SAMD5: variants seen among roughly 807,000 people sequenced by gnomAD.
SAMD5 encodes sterile alpha motif domain-containing protein 5.
Under a neutral mutation model 11.3 loss-of-function variants are expected in SAMD5, and 13 were observed. The ratio of observed to expected loss-of-function variants is 1.15; its 90% confidence interval spans 0.75 to 1.83. SAMD5 has a LOEUF of 1.83. Among genes scored for constraint, SAMD5 ranks in the 40% most tolerant of loss-of-function variants. The pLI is 0.00. For missense variants in SAMD5, 255 were observed against 239.1 expected (o/e 1.07, Z -0.44); for synonymous variants, 129 against 111.3 (o/e 1.16, Z -1.00).
intron 1 of SAMD5, among the ~76,000 whole-genome samples, chr6:147,736,987 T>C (rs1791812287): frequency 6.6e-6 from 1 of 152,140 alleles, no homozygotes; most frequent in African/African-American, 2.4e-5. Flanking sequence ...ATAGTAGTGT[T>C]ATTAAAAAAC....
At chr6:147,813,519 T>G in the SAMD5 span, among the ~76,000 whole-genome samples, 1,305 of 152,314 alleles carry the variant, frequency 8.6e-3, 15 homozygotes, top group African/African-American at 0.03. Flanking sequence ...AATATTGCCC[T>G]TTGACAGATG....
At chr6:147,840,745 T>A in the SAMD5 span, among the ~76,000 whole-genome samples, 1 of 152,222 alleles carries the variant, frequency 6.6e-6, no homozygotes, top group African/African-American at 2.4e-5. Context: ...TAATGATACT[T>A]CTTTCAAATG....
the SAMD5 span, among the ~76,000 whole-genome samples, chr6:147,787,337 C>G: frequency 5.3e-5 from 8 of 152,182 alleles, no homozygotes; most frequent in Non-Finnish European, 1.2e-4. Flanking sequence ...GTATTTCTCT[C>G]ACCTGCGGTA....
the SAMD5 span, among the ~76,000 whole-genome samples, chr6:147,928,398 G>T: frequency 6.6e-6 from 1 of 152,068 alleles, no homozygotes; most frequent in East Asian, 1.9e-4. Flanking sequence ...GTCTTGGCAG[G>T]ATGAATGTCT....
the SAMD5 span, among the ~76,000 whole-genome samples, chr6:147,882,968 T>C: frequency 6.6e-6 from 1 of 152,222 alleles, no homozygotes; most frequent in Non-Finnish European, 1.5e-5. Flanking sequence ...TCAATTTCTG[T>C]AGTTTATTAG....
intron 1 of SAMD5, among the ~76,000 whole-genome samples, chr6:147,601,988 G>A (rs905718192): frequency 2.0e-5 from 3 of 152,236 alleles, no homozygotes; most frequent in Admixed American, 2.0e-4. Flanking sequence ...AGAGTTGGAA[G>A]AGACCTCCGA....
chr6:147,585,295 G>A (rs1372918434), intron 1 of SAMD5, among the ~76,000 whole-genome samples: 1 of 152,122 alleles, frequency 6.6e-6, no homozygotes, highest in African/African-American at 2.4e-5. Flanking sequence ...AAATGCCACT[G>A]TAACTATTAT....
the SAMD5 span, among the ~76,000 whole-genome samples, chr6:147,880,204 G>A: frequency 1.4e-4 from 21 of 152,144 alleles, 1 homozygote; most frequent in Middle Eastern, 0.01. Flanking sequence ...TGTCTAAATA[G>A]GTAAAGTTCC....
chr6:147,802,179 A>G, the SAMD5 span, among the ~76,000 whole-genome samples: 1 of 152,234 alleles, frequency 6.6e-6, no homozygotes, highest in Non-Finnish European at 1.5e-5. Context: ...TGTATCTAGA[A>G]TATATAATTA....
chr6:147,813,378 A>G, the SAMD5 span, among the ~76,000 whole-genome samples: 2 of 152,256 alleles, frequency 1.3e-5, no homozygotes, highest in Non-Finnish European at 2.9e-5. Flanking sequence ...TTGATTGCTG[A>G]AAGTATTTTA....
Position 147,633,471 on chromosome 6 carries a change from T to C in SAMD5, c.163-103846T>C, listed in dbSNP as rs148398100. 1.7e-3 allele frequency among the ~76,000 whole-genome samples: 265 copies of C among 152,246 alleles called. 1 individual carries two copies. The Middle Eastern group carries it at 0.034, about 20-fold the overall frequency. On this transcript the variant is annotated intron_variant, in intron 1 of 1. Coordinates refer to the SAMD5 transcript ENST00000566741. ...ATTGGGAATGACTAGGGACATCTTC[T>C]GCTCACACTAGCACAGTCTAGCATT...
rs2128445007 is a variant in SAMD5 at position 147,568,191 on chromosome 6, A to G, written c.*3735A>G. On this transcript the variant is annotated 3_prime_UTR_variant, in exon 2 of 2. Transcript: ENST00000367474. ...GAAGAATCCAACCAAGATACAAAGC[A>G]GATGATGGTGGATCGGCAAACTCTT... 1 of 985,400 alleles carries G rather than the reference A, an allele frequency of 1.0e-6. No individual in the cohort carries two copies. The highest frequency in any genetic ancestry group is 1.2e-6 in the Non-Finnish European group (1 of 829,912). The allele number at this position is 985,400 out of a possible 1,614,324, so 61.0% of individuals were successfully genotyped here.
At chr6:147,524,957 G>A (rs959248935) in intron 1 of SAMD5, among the ~76,000 whole-genome samples, 12 of 151,900 alleles carry the variant, frequency 7.9e-5, no homozygotes, top group African/African-American at 2.7e-4. Context: ...AAGAGCTTAA[G>A]TAACTTACAC....
chr6:147,602,854 G>C (rs1214664222), intron 1 of SAMD5, among the ~76,000 whole-genome samples: 2 of 152,048 alleles, frequency 1.3e-5, no homozygotes, highest in African/African-American at 4.8e-5. Flanking sequence ...AAAAATAGAA[G>C]AGAGAAATAT....
At position 147,566,101 on chromosome 6, in the gene SAMD5, G is replaced by T; in HGVS notation, c.*1645G>T. On this transcript the variant is annotated 3_prime_UTR_variant, in exon 2 of 2. Transcript: ENST00000367474. ...CTAAGGACAATTTTAACACAATACT[G>T]CTTTAAAAATCTGAAGTTTAAATAG... 1 of 982,718 alleles carries T rather than the reference G, an allele frequency of 1.0e-6. No individual in the cohort carries two copies. The highest frequency in any genetic ancestry group is 1.1e-4 in the East Asian group (1 of 8,800). The allele number at this position is 982,718 out of a possible 1,614,324, so 60.9% of individuals were successfully genotyped here. A position where few individuals can be genotyped will look rare whatever the true frequency, so the allele number is the denominator to read the frequency against.
the SAMD5 span, among the ~76,000 whole-genome samples, chr6:147,912,969 G>A: frequency 1.4e-4 from 22 of 151,944 alleles, no homozygotes; most frequent in Non-Finnish European, 1.5e-5. Context: ...GAGAGAATAG[G>A]TTGGAAAATA....
intron 1 of SAMD5, among the ~76,000 whole-genome samples, chr6:147,674,957 A>T (rs748806687): frequency 6.6e-6 from 1 of 152,216 alleles, no homozygotes; most frequent in Non-Finnish European, 1.5e-5. Context: ...AGAAAACACT[A>T]ACCCTTGCCC....
chr6:147,587,905 T>A (rs911572286), intron 1 of SAMD5, among the ~76,000 whole-genome samples: 1 of 152,188 alleles, frequency 6.6e-6, no homozygotes, highest in South Asian at 2.1e-4. Context: ...ACTGTGAGGA[T>A]TTATTTTTCT....
chr6:147,754,322 A>G, the SAMD5 span, among the ~76,000 whole-genome samples: 1 of 137,096 alleles, frequency 7.3e-6, no homozygotes, highest in Admixed American at 7.2e-5. Context: ...ATCACTTTTT[A>G]TGTGCCTGTT....
Sources: allele counts gnomAD v4.1 joint callset (sites outside exome capture counted in the v4.1 genomes callset), GRCh38; gene constraint gnomAD v4.1.1; transcripts MANE v1.5; gene names NCBI Gene and HGNC (gene_info 2026-07-23, HGNC 2026-07-21).